LRMDA: variants seen among roughly 807,000 people sequenced by gnomAD.
LRMDA encodes leucine rich melanocyte differentiation associated.
A neutral mutation model predicts 29.8 loss-of-function variants in LRMDA; 18 were observed. The ratio of observed to expected loss-of-function variants is 0.60; its 90% confidence interval spans 0.42 to 0.90. The LOEUF is 0.90. Among genes scored for constraint, LRMDA ranks in the 40% least tolerant of loss-of-function variants. The pLI, the probability that LRMDA is intolerant of heterozygous loss-of-function variation, is 0.00. For missense variants in LRMDA, 273 were observed against 273.9 expected, an observed-to-expected ratio of 1.00 and a Z score of 0.02; for synonymous variants, 125 against 109.4, an observed-to-expected ratio of 1.14 and a Z score of -0.89.
At chr10:75,556,953 A>T (rs1840222113) in intron 2 of LRMDA, among the ~76,000 whole-genome samples, 1 of 152,116 alleles carries the variant, frequency 6.6e-6, no homozygotes, top group African/African-American at 2.4e-5. Context: ...TTCTAAAAAA[A>T]AACTTCAAAA....
chr10:75,913,659 G>C (rs1845881699), intron 2 of LRMDA, among the ~76,000 whole-genome samples: 1 of 152,160 alleles, frequency 6.6e-6, no homozygotes. Context: ...TTTTCGTAGA[G>C]CTGCAGCTTT....
intron 5 of LRMDA, among the ~76,000 whole-genome samples, chr10:76,298,616 C>T (rs1840441808): frequency 1.3e-5 from 2 of 152,148 alleles, no homozygotes; most frequent in Admixed American, 1.3e-4. Flanking sequence ...CCTAAGAGGC[C>T]TGGGGTAGCC....
At chr10:75,935,476 G>C (rs1029661264) in intron 2 of LRMDA, among the ~76,000 whole-genome samples, 1 of 152,152 alleles carries the variant, frequency 6.6e-6, no homozygotes, top group African/African-American at 2.4e-5. Flanking sequence ...ATATGACAAA[G>C]GGGAAGTAGA....
chr10:75,638,819 G>A (rs1428297339), intron 2 of LRMDA, among the ~76,000 whole-genome samples: 2 of 152,182 alleles, frequency 1.3e-5, no homozygotes, highest in Non-Finnish European at 2.9e-5. Context: ...AGGTTTAGTT[G>A]TGTTTTTTCC....
chr10:75,821,072 T>A (rs1844149330), intron 2 of LRMDA, among the ~76,000 whole-genome samples: 1 of 152,182 alleles, frequency 6.6e-6, no homozygotes, highest in Non-Finnish European at 1.5e-5. Flanking sequence ...CATAGCCGAA[T>A]TTTACCAGAC....
intron 5 of LRMDA, among the ~76,000 whole-genome samples, chr10:76,297,040 T>G (rs1840419430): frequency 6.6e-6 from 1 of 152,214 alleles, no homozygotes; most frequent in African/African-American, 2.4e-5. Flanking sequence ...AGTCCAGTGC[T>G]CCTATCACTC....
intron 2 of LRMDA, among the ~76,000 whole-genome samples, chr10:75,897,817 CTTTTTTTTTT>C (rs3042518): frequency 2.6e-5 from 2 of 78,420 alleles, no homozygotes; most frequent in African/African-American, 5.2e-5. Flanking sequence ...TTCTTCCTGC[CTTTTTTTTTT>C]TTTTTTTTTT....
At position 75,598,091 on chromosome 10, in the gene LRMDA, A is replaced by C. The variant is rs561236104; in HGVS notation, c.131+159597A>C. ...TGAGCAACAGCAAACCTTAAATGAC[A>C]CGTTGTTAGCAATCTAAAGTTGCTG... On this transcript the variant is annotated intron_variant, in intron 2 of 6. Coordinates refer to ENST00000611255, the MANE Select transcript of LRMDA (RefSeq NM_001305581.2). Among the ~76,000 whole-genome samples the C allele has an allele frequency of 2.0e-5, 3 of 152,180 alleles. No individual in the cohort carries two copies. The South Asian group carries it at 6.2e-4, about 32-fold the overall frequency.
At chr10:76,398,981 CT>C (rs1841819278) in intron 6 of LRMDA, among the ~76,000 whole-genome samples, 1 of 152,088 alleles carries the variant, frequency 6.6e-6, no homozygotes, top group Non-Finnish European at 1.5e-5. Flanking sequence ...AGGTCCTTGA[CT>C]TTGTGCATGA....
chr10:76,212,248 C>T (rs1253209064), intron 5 of LRMDA, among the ~76,000 whole-genome samples: 1 of 148,842 alleles, frequency 6.7e-6, no homozygotes, highest in Non-Finnish European at 1.5e-5. Flanking sequence ...CACACACACA[C>T]ACACACACAC....
chr10:75,803,480 A>G (rs1246976039), intron 2 of LRMDA, among the ~76,000 whole-genome samples: 1 of 152,220 alleles, frequency 6.6e-6, no homozygotes, highest in Non-Finnish European at 1.5e-5. Flanking sequence ...ACTGTGGGTC[A>G]GAGTAGCATG....
At chr10:75,760,676 C>T (rs1229188823) in intron 2 of LRMDA, among the ~76,000 whole-genome samples, 9 of 152,196 alleles carry the variant, frequency 5.9e-5, no homozygotes, top group Non-Finnish European at 2.9e-5. Context: ...TGTCTCTCTC[C>T]TCACTGCAGG....
intron 2 of LRMDA, among the ~76,000 whole-genome samples, chr10:75,543,776 T>C (rs1286455091): frequency 6.6e-6 from 1 of 152,186 alleles, no homozygotes; most frequent in Non-Finnish European, 1.5e-5. Context: ...CCTCCCTCCC[T>C]ACACCTCCTC....
chr10:76,129,769 C>T (rs1443533381), intron 5 of LRMDA, among the ~76,000 whole-genome samples: 3 of 152,168 alleles, frequency 2.0e-5, no homozygotes, highest in South Asian at 2.1e-4. Context: ...CCTACACACA[C>T]ACCCCTTCCA....
chr10:75,592,631 A>G (rs1840737804), intron 2 of LRMDA, among the ~76,000 whole-genome samples: 1 of 152,204 alleles, frequency 6.6e-6, no homozygotes, highest in Non-Finnish European at 1.5e-5. Context: ...CGTCGGGCAT[A>G]ACGGGTTTCC....
Position 75,649,169 on chromosome 10 carries a change from G to A in LRMDA, c.131+210675G>A, listed in dbSNP as rs191309597. On this transcript the variant is annotated intron_variant, in intron 2 of 6. Transcript: ENST00000611255. The stretch of plus-strand genomic sequence containing the variant: ...TTCTACTTTCTGGCTCTCTGAATTC[G>A]ACTGAGCACCACTGAGTACCTCATA... 1.9e-4 allele frequency among the ~76,000 whole-genome samples: 29 copies of A among 152,210 alleles called. 1 individual carries two copies. The highest frequency in any genetic ancestry group is 1.6e-3 in the Admixed American group (24 of 15,304).
At chr10:76,355,075 T>C (rs949990812) in intron 6 of LRMDA, among the ~76,000 whole-genome samples, 1 of 152,106 alleles carries the variant, frequency 6.6e-6, no homozygotes, top group African/African-American at 2.4e-5. Flanking sequence ...ATGGGCTTTA[T>C]ATTGTGTTGT....
intron 5 of LRMDA, among the ~76,000 whole-genome samples, chr10:76,217,927 A>G (rs542614095): frequency 6.6e-6 from 1 of 152,296 alleles, no homozygotes; most frequent in South Asian, 2.1e-4. Flanking sequence ...AAGAATTTCA[A>G]GCTTCTACCA....
chr10:76,327,295 G>T (rs1840847631), intron 6 of LRMDA, among the ~76,000 whole-genome samples: 2 of 152,174 alleles, frequency 1.3e-5, no homozygotes, highest in African/African-American at 4.8e-5. Context: ...GTTTCACCAT[G>T]TTGACCAGGC....
Sources: gnomAD v4.1 joint callset for allele counts (sites outside exome capture counted in the v4.1 genomes callset) on GRCh38, gnomAD v4.1.1 for gene constraint, MANE v1.5 for transcripts, NCBI Gene and HGNC (gene_info 2026-07-23, HGNC 2026-07-21) for gene names.